CYP51A1: variants seen among roughly 807,000 people sequenced by gnomAD.
CYP51A1 encodes lanosterol 14-alpha demethylase.
CYP51A1 carries 45 observed loss-of-function variants against 53.5 expected under a neutral mutation model. The ratio of observed to expected loss-of-function variants is 0.84; its 90% confidence interval spans 0.66 to 1.08. The LOEUF (loss-of-function observed/expected upper bound fraction) is 1.08. Among genes scored for constraint, CYP51A1 ranks in the 50% least tolerant of loss-of-function variants. CYP51A1 has a pLI of 0.00. For synonymous variants in CYP51A1, 181 were observed against 217.7 expected, an observed-to-expected ratio of 0.83 and a Z score of 1.48; for missense variants, 462 against 621.7, an observed-to-expected ratio of 0.74 and a Z score of 2.73.
intron 7 of CYP51A1, 95 bp from the exon 8 acceptor site, chr7:92,118,710 CA>C (rs1232999331): frequency 1.4e-6 from 1 of 721,112 alleles, no homozygotes; most frequent in Admixed American, 2.0e-5. Flanking sequence ...AGACAGCTTG[CA>C]TTCCAGCTAA....
chr7:92,120,832 T>TA (rs201011446), intron 7 of CYP51A1, among the ~76,000 whole-genome samples: 21 of 150,538 alleles, frequency 1.4e-4, no homozygotes, highest in East Asian at 1.2e-3. Context: ...AAAAGCACAT[T>TA]AAAAAAAAAT....
Position 92,112,338 on chromosome 7 carries a change from A to AGTT in CYP51A1, c.*1324_*1326dup, listed in dbSNP as rs1031024130. The AGTT allele has an allele frequency of 1.3e-5, 2 of 152,218 alleles. No homozygotes were observed. Among genetic ancestry groups the AGTT allele is most frequent in the African/African-American group, 4.8e-5 (2 of 41,438 alleles). The allele number at this position is 152,218 out of a possible 1,614,324, so 9.4% of individuals were successfully genotyped here. A position where few individuals can be genotyped will look rare whatever the true frequency, so the allele number is the denominator to read the frequency against. Reference sequence around the variant, plus strand: ...AGCCATCTCATATAGTTAGGCCCCGAGTTACAATTTGAGATAAGTTGATTC... The same window carrying AGTT: ...AGCCATCTCATATAGTTAGGCCCCGAGTTGTTACAATTTGAGATAAGTTGATTC... On this transcript the variant is annotated 3_prime_UTR_variant, in exon 10 of 10. Transcript: ENST00000003100.
chr7:92,128,818 A>C lies in CYP51A1; in HGVS notation c.468+62T>G, dbSNP rs1819860811. On this transcript the variant is annotated intron_variant, in intron 3 of 9. Coordinates refer to ENST00000003100, the MANE Select transcript of CYP51A1 (RefSeq NM_000786.4). ...CTACATTTTAAATGTATAATGTCTC[A>C]CTATTAGCTATAACTACTGAGGTAT... The C allele has an allele frequency of 5.1e-6, 7 of 1,361,406 alleles. No homozygotes were observed. The East Asian group carries it at 1.7e-4, about 32-fold the overall frequency. 84.3% of individuals were successfully genotyped at this position (1,361,406 alleles called of 1,614,324 possible).
intron 9 of CYP51A1, 21 bp from the exon 10 acceptor site, chr7:92,113,864 T>C (rs1483856291): frequency 3.9e-6 from 6 of 1,542,940 alleles, no homozygotes; most frequent in African/African-American, 2.8e-5. Flanking sequence ...GAAAAAGTTA[T>C]AAGAATCAGT....
At chr7:92,134,554 A>T (rs890559441), upstream of CYP51A1, 4 of 604,006 alleles carry the variant, frequency 6.6e-6, no homozygotes, top group Admixed American at 1.3e-4. Context: ...TCCGCTGGCC[A>T]CGCCCCTTAA....
chr7:92,117,501 A>G (rs1819601834), intron 8 of CYP51A1: 1 of 231,554 alleles, frequency 4.3e-6, no homozygotes, highest in Middle Eastern at 1.4e-3. Flanking sequence ...TTGGAAGTAC[A>G]CAGTACACAA....
In CYP51A1 at chr7:92,134,277, C is replaced by T. The variant is rs1819995214; in HGVS notation, c.88G>A (p.Gly30Ser). Residue 30 changes from glycine (G) to serine (S), a missense_variant, in exon 1 of 10, where the codon GGC becomes AGC. Transcript: ENST00000003100. ...LGQAMEKVTG[G>S]NLLSMLLIAC... is the part of the protein sequence containing the mutation. ...ATCAGCAGCATGGACAAGAGGTTGC[C>T]GCCTGTCACCTTCTCCATCGCCTGG... 1.2e-6 allele frequency: 2 copies of T among 1,612,440 alleles called. No individual in the cohort carries two copies. Among genetic ancestry groups the T allele is most frequent in the Non-Finnish European group, 1.7e-6 (2 of 1,179,272 alleles).
chr7:92,128,430 G>C (rs28377194), intron 3 of CYP51A1, among the ~76,000 whole-genome samples: 2,883 of 59,762 alleles, frequency 0.048, 76 homozygotes, highest in African/African-American at 0.22. Flanking sequence ...GTTGGTTTCT[G>C]TGTGTGTGTG....
chr7:92,134,046 A>C (rs913482405), intron 1 of CYP51A1, 127 bp downstream of exon 1: 1 of 875,070 alleles, frequency 1.1e-6, no homozygotes, highest in Non-Finnish European at 1.7e-6. Context: ...CACGCCAAGC[A>C]TGGCCGCAGT....
Position 92,123,141 on chromosome 7 carries a change from C to G in CYP51A1, c.1065G>C (p.Leu355=). 1 of 1,613,188 alleles carries G rather than the reference C, an allele frequency of 6.2e-7. No individual in the cohort carries two copies. The highest frequency in any genetic ancestry group is 8.5e-7 in the Non-Finnish European group (1 of 1,179,386). Residue 355 remains leucine (L), a synonymous_variant, in exon 7 of 10, where the codon CTG becomes CTC. Transcript: ENST00000003100. ...AAACCTGGTCATAAGTTAAAGGAGG[C>G]AGATTCTCTCCACAGACTGTTTTCT... ...LEQKTVCGEN[L]PPLTYDQLKD... is the part of the protein sequence containing the mutation.
intron 5 of CYP51A1, among the ~76,000 whole-genome samples, chr7:92,125,469 T>C (rs1173000681): frequency 6.6e-6 from 1 of 152,180 alleles, no homozygotes; most frequent in Non-Finnish European, 1.5e-5. Flanking sequence ...TGCAAAACAC[T>C]AAGCACTAAG....
At chr7:92,122,993 G>T in intron 7 of CYP51A1, 127 bp downstream of exon 7, 1 of 686,424 alleles carries the variant, frequency 1.5e-6, no homozygotes, top group Non-Finnish European at 2.5e-6. Flanking sequence ...TAGGGAATTT[G>T]CTAAAAATAG....
rs748782320 is a variant in CYP51A1 at position 92,118,540 on chromosome 7, T to A, written c.1162A>T (p.Arg388Ter). Residue 388 changes from arginine to a stop codon, truncating the protein, a stop_gained, in exon 8 of 10, where the codon AGA (arginine) becomes TGA (stop). Coordinates refer to ENST00000003100, the MANE Select transcript of CYP51A1 (RefSeq NM_000786.4). LOFTEE classifies it high-confidence loss of function. ...RLRPPIMIMM[R>*]MARTPQTVAG... is the part of the protein sequence containing the mutation. Reference sequence around the variant, plus strand: ...CTCACCTGAGGAGTTCTGGCCATTCTCATCATGATCATTATAGGAGGTCTA... The same window carrying A: ...CTCACCTGAGGAGTTCTGGCCATTCACATCATGATCATTATAGGAGGTCTA... 1 of 1,587,334 alleles carries A rather than the reference T, an allele frequency of 6.3e-7. No individual in the cohort carries two copies. The highest frequency in any genetic ancestry group is 1.3e-5 in the African/African-American group (1 of 74,380).
chr7:92,113,947 T>G, intron 9 of CYP51A1, 104 bp from the exon 10 acceptor site: 1 of 650,120 alleles, frequency 1.5e-6, no homozygotes, highest in Non-Finnish European at 2.5e-6. Context: ...AATGTACAGA[T>G]AATATAATAA....
At chr7:92,128,842 A>C in intron 3 of CYP51A1, 38 bp downstream of exon 3, 21 of 1,538,092 alleles carry the variant, frequency 1.4e-5, no homozygotes, top group Middle Eastern at 2.4e-4. Context: ...CTACTGAGGT[A>C]TAGATTTGTC....
At chr7:92,120,149 T>C (rs1441375132) in intron 7 of CYP51A1, among the ~76,000 whole-genome samples, 1 of 152,150 alleles carries the variant, frequency 6.6e-6, no homozygotes, top group Non-Finnish European at 1.5e-5. Context: ...GAAAGACATC[T>C]CATGTTCACA....
At chr7:92,128,461 T>TGC (rs1554479174) in intron 3 of CYP51A1, among the ~76,000 whole-genome samples, 4 of 137,368 alleles carry the variant, frequency 2.9e-5, no homozygotes, top group Non-Finnish European at 4.7e-5. Context: ...TGTGTGCGCG[T>TGC]GCGTGTGTGT....
At chr7:92,128,623 T>C (rs1028635672) in intron 3 of CYP51A1, among the ~76,000 whole-genome samples, 2 of 151,974 alleles carry the variant, frequency 1.3e-5, no homozygotes, top group Non-Finnish European at 2.9e-5. Context: ...AGCTGGAATT[T>C]ACAGGTGTGC....
At chr7:92,129,161 A>G (rs940120533) in intron 2 of CYP51A1, 105 bp from the exon 3 acceptor site, 1 of 668,940 alleles carries the variant, frequency 1.5e-6, no homozygotes, top group Non-Finnish European at 2.4e-6. Flanking sequence ...AAATAAAAAC[A>G]TATATAAACC....
Sources: allele counts gnomAD v4.1 joint callset (sites outside exome capture counted in the v4.1 genomes callset), GRCh38; gene constraint gnomAD v4.1.1; transcripts MANE v1.5; gene names NCBI Gene and HGNC (gene_info 2026-07-23, HGNC 2026-07-21).